RIMS2: variants seen among roughly 807,000 people sequenced by gnomAD.
RIMS2 encodes regulating synaptic membrane exocytosis protein 2.
Under a neutral mutation model 174.4 loss-of-function variants are expected in RIMS2, and 59 were observed. The observed-to-expected ratio is 0.34, with a 90% CI of 0.27 to 0.42. The LOEUF is 0.42. Ranked by LOEUF, RIMS2 falls within the 10% of genes least tolerant of loss-of-function variation. The probability of loss-of-function intolerance (pLI) is 1.00; values close to 1 mark genes in which losing one functional copy is unlikely to be tolerated. For synonymous variants in RIMS2, 606 were observed against 572.5 expected (o/e 1.06, Z -0.84); for missense variants, 1,620 against 1,666.3 (o/e 0.97, Z 0.48).
chr8:103,748,888 C>A (rs376390685), intron 2 of RIMS2, among the ~76,000 whole-genome samples: 9 of 152,124 alleles, frequency 5.9e-5, no homozygotes, highest in African/African-American at 2.2e-4. Flanking sequence ...GCAACCTCCG[C>A]CTCCCAGGTT....
chr8:103,697,032 T>C, intron 1 of RIMS2, 54 bp from the exon 4 acceptor site: 2 of 1,036,584 alleles, frequency 1.9e-6, no homozygotes, highest in Non-Finnish European at 3.0e-6. Flanking sequence ...TGATAATTTT[T>C]CCTTTAGAGA....
chr8:103,739,069 C>A (rs2097725119), intron 2 of RIMS2, among the ~76,000 whole-genome samples: 1 of 152,172 alleles, frequency 6.6e-6, no homozygotes, highest in Non-Finnish European at 1.5e-5. Flanking sequence ...GCTATAAAGA[C>A]ACATGCACAC....
At chr8:103,951,647 T>G (rs566587744) in intron 14 of RIMS2, among the ~76,000 whole-genome samples, 1 of 152,242 alleles carries the variant, frequency 6.6e-6, no homozygotes, top group South Asian at 2.1e-4. Flanking sequence ...ACCAGGGCCC[T>G]GGGTTTCCAG....
intron 3 of RIMS2, among the ~76,000 whole-genome samples, chr8:103,787,648 G>A (rs574398434): frequency 1.2e-4 from 19 of 152,258 alleles, no homozygotes; most frequent in Admixed American, 8.5e-4. Context: ...TCTGCTGTTA[G>A]TCTGATGGGC....
Position 104,041,308 on chromosome 8 carries a change from T to C in RIMS2, c.3334+26693T>C. 1.4e-6 allele frequency: 1 copy of C among 693,526 alleles called. No individual in the cohort carries two copies. The highest frequency in any genetic ancestry group is 2.6e-5 in the East Asian group (1 of 38,132). 43.0% of individuals were successfully genotyped at this position (693,526 alleles called of 1,614,324 possible). A position where few individuals can be genotyped will look rare whatever the true frequency, so the allele number is the denominator to read the frequency against. On this transcript the variant is annotated intron_variant, in intron 19 of 23. Coordinates refer to ENST00000504942, the Ensembl canonical transcript of RIMS2. ...ATCTCCTTTGTCTATGTCTGTCCAT[T>C]ACACGATGTGATCACAGAAGAACTG...
At chr8:103,859,685 TA>T (rs1428629583) in intron 3 of RIMS2, among the ~76,000 whole-genome samples, 1 of 152,010 alleles carries the variant, frequency 6.6e-6, no homozygotes, top group African/African-American at 2.4e-5. Context: ...CAAGCAAATC[TA>T]ATATGTCAAT....
At chr8:103,628,758 A>C (rs1162419860) in intron 1 of RIMS2, among the ~76,000 whole-genome samples, 1 of 151,202 alleles carries the variant, frequency 6.6e-6, no homozygotes, top group East Asian at 1.9e-4. Flanking sequence ...CCATATTAAA[A>C]AAAAAAAAAA....
At chr8:103,540,501 C>A (rs1004044799) in intron 1 of RIMS2, among the ~76,000 whole-genome samples, 2 of 152,206 alleles carry the variant, frequency 1.3e-5, no homozygotes, top group Admixed American at 1.3e-4. Flanking sequence ...CTTGTACCCC[C>A]ACCATAGGGG....
chr8:103,789,749 C>CTTTTGT (rs2098478888), intron 3 of RIMS2, among the ~76,000 whole-genome samples: 1 of 85,186 alleles, frequency 1.2e-5, no homozygotes, highest in African/African-American at 4.7e-5. Context: ...GGATTGTACT[C>CTTTTGT]TTTTTTTTTT....
chr8:103,736,602 G>A (rs117701590), intron 2 of RIMS2, among the ~76,000 whole-genome samples: 7 of 152,224 alleles, frequency 4.6e-5, no homozygotes, highest in East Asian at 1.9e-4. Context: ...ATTGGCTGGC[G>A]TGAATCTAAA....
At chr8:103,529,000 G>A (rs982526329) in intron 1 of RIMS2, among the ~76,000 whole-genome samples, 4 of 152,276 alleles carry the variant, frequency 2.6e-5, no homozygotes, top group East Asian at 1.9e-4. Context: ...CCAGTTTCAC[G>A]ATACTGAGTC....
intron 19 of RIMS2, among the ~76,000 whole-genome samples, chr8:104,030,878 T>C (rs2096376847): frequency 6.6e-6 from 1 of 152,070 alleles, no homozygotes; most frequent in African/African-American, 2.4e-5. Flanking sequence ...TTACTTATCT[T>C]GTTTATAATC....
intron 19 of RIMS2, chr8:104,094,591 T>A: frequency 1.4e-6 from 1 of 701,258 alleles, no homozygotes; most frequent in Non-Finnish European, 2.6e-6. Context: ...GGGAAAGAGA[T>A]TGCCAAAACG....
At chr8:103,996,964 G>C (rs546681246) in intron 17 of RIMS2, among the ~76,000 whole-genome samples, 1 of 151,904 alleles carries the variant, frequency 6.6e-6, no homozygotes, top group Non-Finnish European at 1.5e-5. Flanking sequence ...TTAAAAAATA[G>C]AGGTTTGAAA....
chr8:104,131,473 A>C (rs1395020443), intron 19 of RIMS2, among the ~76,000 whole-genome samples: 1 of 152,178 alleles, frequency 6.6e-6, no homozygotes, highest in African/African-American at 2.4e-5. Context: ...TTAATACATT[A>C]TTTAAAATAA....
At chr8:103,614,649 G>A (rs563152611) in intron 1 of RIMS2, among the ~76,000 whole-genome samples, 4 of 152,326 alleles carry the variant, frequency 2.6e-5, no homozygotes, top group South Asian at 2.1e-4. Flanking sequence ...TTCTCAAATC[G>A]TGGTGAGTAC....
intron 3 of RIMS2, among the ~76,000 whole-genome samples, chr8:103,873,843 A>G (rs2099123485): frequency 6.6e-6 from 1 of 152,128 alleles, no homozygotes; most frequent in Non-Finnish European, 1.5e-5. Context: ...AGGGCTCAGA[A>G]GCATCATGAC....
At chr8:104,076,994 G>C (rs563482287) in intron 19 of RIMS2, among the ~76,000 whole-genome samples, 4 of 151,306 alleles carry the variant, frequency 2.6e-5, no homozygotes, top group South Asian at 4.2e-4. Context: ...TTTTTTTGTC[G>C]TTTTAGTAAA....
chr8:103,690,728 C>T (rs1431617801), intron 1 of RIMS2, among the ~76,000 whole-genome samples: 1 of 152,142 alleles, frequency 6.6e-6, no homozygotes, highest in Non-Finnish European at 1.5e-5. Flanking sequence ...TTCAAGATAT[C>T]AGTAGTTTAT....
Sources: allele counts gnomAD v4.1 joint callset (sites outside exome capture counted in the v4.1 genomes callset), GRCh38; gene constraint gnomAD v4.1.1; transcripts MANE v1.5; gene names NCBI Gene and HGNC (gene_info 2026-07-23, HGNC 2026-07-21).